The following TECPR1 variants were observed in gnomAD, a reference collection of about 807,000 sequenced individuals.
TECPR1 encodes the protein tectonin beta-propeller repeat-containing protein 1.
TECPR1 carries 122 observed loss-of-function variants against 162.4 expected under a neutral mutation model. The ratio of observed to expected loss-of-function variants is 0.75; its 90% CI spans 0.65 to 0.87. The LOEUF is 0.87. Ranked by LOEUF, TECPR1 falls within the 40% of genes least tolerant of loss-of-function variation. TECPR1 has a pLI of 0.00. For synonymous variants in TECPR1, 642 were observed against 670.6 expected (o/e 0.96, Z 0.66); for missense variants, 1,432 against 1,618.2 (o/e 0.88, Z 1.97).
chr7:98,230,025 G>A (rs545255307), intron 15 of TECPR1, among the ~76,000 whole-genome samples: 1 of 146,890 alleles, frequency 6.8e-6, no homozygotes, highest in East Asian at 2.0e-4. Context: ...GGGTCTCGCT[G>A]TGTTGCCCAG....
chr7:98,236,889 C>T lies in TECPR1; in HGVS notation c.1068G>A (p.Val356=). The stretch of plus-strand genomic sequence containing the variant: ...TGGGGGTGACACCCTGCCGGAAGTA[C>T]ACGGCTCGGTCCTCACAGCCAATGC... ...VWGIGCEDRA[V]YFRQGVTPSE... is the part of the protein sequence containing the mutation. Residue 356 remains valine, a synonymous_variant, in exon 10 of 26, where the codon GTG becomes GTA. Transcript: ENST00000447648. 2 of 1,576,484 alleles carry T rather than the reference C, an allele frequency of 1.3e-6. No homozygotes were observed. The highest frequency in any genetic ancestry group is 1.7e-6 in the Non-Finnish European group (2 of 1,162,666).
chr7:98,217,747 C>T lies in TECPR1; in HGVS notation c.3329G>A (p.Arg1110His), dbSNP rs1302212044. Reference sequence around the variant, plus strand: ...GGGCTCGTGAGGCTGCACGCCGGTGCGATGACACACTGTCCCCCGGCTCAG... The same window carrying T: ...GGGCTCGTGAGGCTGCACGCCGGTGTGATGACACACTGTCCCCCGGCTCAG... ...HSLSRGTVCH[R>H]TGVQPHEPKG... Residue 1110 changes from arginine (R) to histidine (H), a missense_variant, in exon 25 of 26, where the codon CGC (arginine) becomes CAC (histidine). Coordinates refer to ENST00000447648, the MANE Select transcript of TECPR1 (RefSeq NM_015395.3). The T allele has an allele frequency of 2.8e-5, 44 of 1,550,430 alleles. No individual in the cohort carries two copies. Among genetic ancestry groups the T allele is most frequent in the Non-Finnish European group, 3.7e-5 (43 of 1,146,930 alleles).
At position 98,223,650 on chromosome 7, in the gene TECPR1, G is replaced by A. The variant is rs760876416; in HGVS notation, c.2747+12C>T. The A allele has an allele frequency of 6.2e-7, 1 of 1,613,470 alleles. No individual in the cohort carries two copies. Among genetic ancestry groups the A allele is most frequent in the African/African-American group, 1.3e-5 (1 of 74,910 alleles). Reference sequence around the variant, plus strand: ...GCCTGACCGTGACAGTCACCCTGCAGCCCTGCCTCACCTGGCCCAGCACCT... The same window carrying A: ...GCCTGACCGTGACAGTCACCCTGCAACCCTGCCTCACCTGGCCCAGCACCT... On this transcript the variant is annotated intron_variant, in intron 20 of 25. Transcript: ENST00000447648.
rs1167106339 is a variant in TECPR1 at position 98,244,623 on chromosome 7, C to T, written c.479G>A (p.Arg160His). The change falls in exon 5 of 26, where the codon CGC (arginine) becomes CAC (histidine). Residue 160 changes from arginine to histidine, a missense_variant. Transcript: ENST00000447648. ...TCTCCTGTACCGGATCCACTTCCGG[C>T]GCCGCACACAAGAATTCCACTTCTT... ...KDKKWNSCVRRRKWIRYRRYK... is the reference protein window; with the variant it reads ...KDKKWNSCVRHRKWIRYRRYK... 12 of 1,613,094 alleles carry T rather than the reference C, an allele frequency of 7.4e-6. No homozygotes were observed. Among genetic ancestry groups the T allele is most frequent in the Admixed American group, 3.3e-5 (2 of 59,986 alleles).
chr7:98,218,070 G>C (rs539604646), intron 23 of TECPR1, 28 bp from the exon 24 acceptor site: 64 of 1,530,336 alleles, frequency 4.2e-5, no homozygotes, highest in Non-Finnish European at 5.4e-5. Flanking sequence ...GAGGGTCAAA[G>C]GGGAAGACCT....
intron 10 of TECPR1, among the ~76,000 whole-genome samples, chr7:98,234,705 CTTTTTTTTTTTT>C (rs34332931): frequency 2.7e-5 from 2 of 73,508 alleles, no homozygotes; most frequent in African/African-American, 1.1e-4. Flanking sequence ...TTGTTATTGT[CTTTTTTTTTTTT>C]TTTTTTTTTT....
intron 17 of TECPR1, among the ~76,000 whole-genome samples, chr7:98,225,543 A>G (rs1304488032): frequency 6.7e-6 from 1 of 149,940 alleles, no homozygotes; most frequent in African/African-American, 2.4e-5. Context: ...CTTCGTCTCA[A>G]AAAAAAAAGG....
At chr7:98,240,827 C>A in intron 8 of TECPR1, 24 bp downstream of exon 8, 2 of 1,567,592 alleles carry the variant, frequency 1.3e-6, no homozygotes, top group Non-Finnish European at 1.7e-6. Flanking sequence ...CTCAAGTGAT[C>A]CCCCAGCCTC....
At chr7:98,227,573 C>A (rs527636623) in intron 17 of TECPR1, among the ~76,000 whole-genome samples, 21 of 151,992 alleles carry the variant, frequency 1.4e-4, no homozygotes, top group Non-Finnish European at 2.6e-4. Context: ...GTAACCCCAG[C>A]ACTTTGGGAG....
chr7:98,225,570 A>C (rs934600135), intron 17 of TECPR1, among the ~76,000 whole-genome samples: 2 of 151,194 alleles, frequency 1.3e-5, no homozygotes, highest in Non-Finnish European at 2.9e-5. Flanking sequence ...GAGGGGGGAA[A>C]ATTTGGACAC....
intron 15 of TECPR1, among the ~76,000 whole-genome samples, chr7:98,230,021 C>T (rs1466059157): frequency 6.7e-6 from 1 of 148,506 alleles, no homozygotes; most frequent in African/African-American, 2.5e-5. Context: ...GACAGGGTCT[C>T]GCTGTGTTGC....
rs1798013573 is a variant in TECPR1 at position 98,216,587 on chromosome 7, G to A, written c.*803C>T. On this transcript the variant is annotated 3_prime_UTR_variant, in exon 26 of 26. Transcript: ENST00000447648. ...TTTTTTTTTTTTTTTTTGAGATGGA[G>A]TCTCTGTCGCCCAGGCTGGAGTGCA... 1 of 135,052 alleles carries A rather than the reference G, an allele frequency of 7.4e-6. No individual in the cohort carries two copies. Among genetic ancestry groups the A allele is most frequent in the African/African-American group, 2.8e-5 (1 of 35,252 alleles). The allele number at this position is 135,052 out of a possible 1,614,324, so 8.4% of individuals were successfully genotyped here.
At position 98,234,805 on chromosome 7, in the gene TECPR1, G is replaced by T. The variant is rs912786743; in HGVS notation, c.1182-894C>A. On this transcript the variant is annotated intron_variant, in intron 10 of 25. Transcript: ENST00000447648. ...AGCTCACTGCAGCCTCGACCTCCTG[G>T]GCTCATGTGATCCTCCCACCTCTGC... is the stretch of plus-strand genomic sequence containing the variant. Among the ~76,000 whole-genome samples, 8 of 151,046 alleles carry T rather than the reference G, an allele frequency of 5.3e-5. No individual in the cohort carries two copies. In the East Asian group the frequency reaches 1.2e-3, roughly 22 times the overall value.
chr7:98,234,046 C>T (rs1798529020), intron 10 of TECPR1, 135 bp from the exon 11 acceptor site: 1 of 1,210,052 alleles, frequency 8.3e-7, no homozygotes, highest in Non-Finnish European at 1.1e-6. Flanking sequence ...GAACTCCTGT[C>T]TCTTCCTCTG....
intron 15 of TECPR1, 110 bp from the exon 16 acceptor site, chr7:98,229,276 C>G: frequency 1.4e-6 from 2 of 1,417,920 alleles, no homozygotes; most frequent in Non-Finnish European, 1.9e-6. Flanking sequence ...TTTCCCAGCC[C>G]TCGGTCTCCA....
Position 98,240,856 on chromosome 7 carries a change from AGTCC to A in TECPR1, c.924_927del (p.Lys308AsnfsTer27), listed in dbSNP as rs1562942522. On this transcript the variant is annotated frameshift_variant, in exon 8 of 26. Coordinates refer to ENST00000447648, the MANE Select transcript of TECPR1 (RefSeq NM_015395.3). LOFTEE classifies it high-confidence loss of function. ...CAGCCTCATCCCCATCTTACCTTCC[AGTCC>A]TTGGTGACAGCCCAGACCACGCTGA... The A allele has an allele frequency of 6.2e-7, 1 of 1,601,316 alleles. No individual in the cohort carries two copies.
In TECPR1 at chr7:98,214,994, A is replaced by C. The variant is rs1389564283; in HGVS notation, c.*2396T>G. On this transcript the variant is annotated 3_prime_UTR_variant, in exon 26 of 26. Transcript: ENST00000447648. ...TCCAGTGTTTCGAGGAGGAGAGGGG[A>C]CAGGGGCCAGGTCCACTCCCTTGGC... 1.3e-5 allele frequency: 2 copies of C among 152,362 alleles called. No homozygotes were observed. Among genetic ancestry groups the C allele is most frequent in the Non-Finnish European group, 2.9e-5 (2 of 68,152 alleles). 9.4% of individuals were successfully genotyped at this position (152,362 alleles called of 1,614,324 possible).
At chr7:98,225,177 C>T (rs1009431712) in intron 17 of TECPR1, 75 bp from the exon 18 acceptor site, 17 of 1,358,084 alleles carry the variant, frequency 1.3e-5, no homozygotes, top group African/African-American at 2.9e-5. Flanking sequence ...CCCCATAACA[C>T]CCCACAGGGA....
chr7:98,234,767 G>C (rs1798549043), intron 10 of TECPR1, among the ~76,000 whole-genome samples: 1 of 133,204 alleles, frequency 7.5e-6, no homozygotes, highest in Non-Finnish European at 1.5e-5. Flanking sequence ...CTGGAGTGTA[G>C]TGACGTGATC....
Sources: allele counts gnomAD v4.1 joint callset (sites outside exome capture counted in the v4.1 genomes callset), GRCh38; gene constraint gnomAD v4.1.1; transcripts MANE v1.5; gene names NCBI Gene and HGNC (gene_info 2026-07-23, HGNC 2026-07-21).